The following SLC5A7 variants were observed in gnomAD, a reference collection of about 807,000 sequenced individuals.
SLC5A7 encodes high affinity choline transporter 1.
SLC5A7 carries 19 observed loss-of-function variants against 55.4 expected under a neutral mutation model. The ratio of observed to expected loss-of-function variants is 0.34; its 90% CI spans 0.24 to 0.50. The LOEUF (loss-of-function observed/expected upper bound fraction) is 0.50, where lower values mean the gene tolerates loss of function less well. Ranked by LOEUF, SLC5A7 falls within the 20% of genes least tolerant of loss-of-function variation. The pLI is 0.98. For missense variants in SLC5A7, 506 were observed against 705.3 expected, an observed-to-expected ratio of 0.72 and a Z score of 3.20; for synonymous variants, 265 against 263.7, an observed-to-expected ratio of 1.00 and a Z score of -0.05.
At chr2:107,993,229 T>A in intron 4 of SLC5A7, 102 bp downstream of exon 4, 1 of 1,249,634 alleles carries the variant, frequency 8.0e-7, no homozygotes, top group Non-Finnish European at 1.1e-6. Context: ...ACATTTTTAT[T>A]AAAACCATAT....
intron 6 of SLC5A7, among the ~76,000 whole-genome samples, chr2:108,002,932 C>A (rs543310636): frequency 2.6e-5 from 4 of 152,184 alleles, no homozygotes; most frequent in Admixed American, 2.0e-4. Flanking sequence ...TTTTTGTTTT[C>A]TCTGTAGAAG....
rs532174786 is a variant in SLC5A7, at chr2:108,010,596, G to T, written c.1478G>T (p.Cys493Phe). The T allele has an allele frequency of 9.3e-6, 15 of 1,613,912 alleles. No homozygotes were observed. The East Asian group carries it at 2.5e-4, about 26-fold the overall frequency. ...AMVTSFLTNI[C>F]ISYLAKYLFE... ...GTTACATCATTCTTAACCAACATTT[G>T]CATCTCCTATCTAGCCAAGTATCTA... Residue 493 changes from cysteine (C) to phenylalanine (F), a missense_variant, in exon 9 of 9, where the codon TGC becomes TTC. Transcript: ENST00000264047.
intron 7 of SLC5A7, among the ~76,000 whole-genome samples, chr2:108,006,689 G>C (rs1371344784): frequency 6.6e-6 from 1 of 152,068 alleles, no homozygotes; most frequent in East Asian, 1.9e-4. Context: ...TTAAAAATAC[G>C]GATATGTGGC....
At chr2:108,001,158 C>G (rs76605307) in intron 5 of SLC5A7, among the ~76,000 whole-genome samples, 4 of 151,878 alleles carry the variant, frequency 2.6e-5, no homozygotes, top group Non-Finnish European at 5.9e-5. Flanking sequence ...CTCCTCCCCC[C>G]ACCCACACAC....
rs1677290291 is a variant in SLC5A7, at chr2:107,987,422, G to A, written c.-52+659G>A. ...ATTAATGGGGGGTGATGAATTGAAT[G>A]AAGGATATTGGGCGAAGAAGATCAA... On this transcript the variant is annotated intron_variant, in intron 1 of 8. Transcript: ENST00000264047. 2.0e-5 allele frequency among the ~76,000 whole-genome samples: 3 copies of A among 152,136 alleles called. No homozygotes were observed. In the South Asian group the frequency reaches 6.2e-4, roughly 32 times the overall value.
chr2:108,003,553 C>T (rs892287114), intron 6 of SLC5A7, among the ~76,000 whole-genome samples: 1 of 152,160 alleles, frequency 6.6e-6, no homozygotes, highest in Non-Finnish European at 1.5e-5. Flanking sequence ...CTTGATCTTC[C>T]AGTGGTCTCT....
intron 1 of SLC5A7, among the ~76,000 whole-genome samples, chr2:107,986,999 T>C (rs1476313699): frequency 6.6e-6 from 1 of 151,794 alleles, no homozygotes; most frequent in African/African-American, 2.4e-5. Flanking sequence ...CGGGAGAGCA[T>C]CGGGCTGCTG....
intron 6 of SLC5A7, among the ~76,000 whole-genome samples, chr2:108,002,847 A>G (rs1390132917): frequency 6.6e-6 from 1 of 151,842 alleles, no homozygotes; most frequent in African/African-American, 2.4e-5. Flanking sequence ...GCAGGACCCC[A>G]TCTCTATAAA....
intron 6 of SLC5A7, among the ~76,000 whole-genome samples, chr2:108,004,197 C>T (rs1329242271): frequency 6.6e-6 from 1 of 152,174 alleles, no homozygotes; most frequent in African/African-American, 2.4e-5. Context: ...TTAAAAACTT[C>T]TGATGACCTA....
intron 6 of SLC5A7, 140 bp from the exon 7 acceptor site, chr2:108,005,903 GATACTA>G (rs1465357191): frequency 1.1e-6 from 1 of 883,704 alleles, no homozygotes; most frequent in Non-Finnish European, 1.7e-6. Flanking sequence ...CAAACATAAT[GATACTA>G]ATTGATATTT....
intron 4 of SLC5A7, 49 bp downstream of exon 4, chr2:107,993,176 A>T: frequency 1.2e-6 from 2 of 1,602,856 alleles, no homozygotes; most frequent in Non-Finnish European, 1.7e-6. Context: ...TTAACTAAAC[A>T]TCAGATACAC....
chr2:108,009,239 A>G (rs1406742538), intron 8 of SLC5A7, among the ~76,000 whole-genome samples: 1 of 152,176 alleles, frequency 6.6e-6, no homozygotes, highest in Non-Finnish European at 1.5e-5. Context: ...TTAACAAAAC[A>G]ATCCCAGTGT....
intron 5 of SLC5A7, among the ~76,000 whole-genome samples, chr2:107,998,765 A>C (rs1677773676): frequency 6.6e-6 from 1 of 152,212 alleles, no homozygotes; most frequent in Non-Finnish European, 1.5e-5. Flanking sequence ...CTTTAGGGGC[A>C]ATGCCCTCCT....
intron 8 of SLC5A7, among the ~76,000 whole-genome samples, chr2:108,009,473 C>G (rs1050341119): frequency 6.6e-6 from 1 of 151,976 alleles, no homozygotes; most frequent in Non-Finnish European, 1.5e-5. Context: ...CCCCCCACGC[C>G]CCCCAACAGG....
intron 4 of SLC5A7, among the ~76,000 whole-genome samples, chr2:107,995,007 G>A (rs1677611919): frequency 6.6e-6 from 1 of 152,208 alleles, no homozygotes; most frequent in African/African-American, 2.4e-5. Context: ...ATGTGTGTCT[G>A]TGTTTGTGCC....
intron 2 of SLC5A7, 62 bp from the exon 3 acceptor site, chr2:107,992,044 C>A: frequency 1.0e-6 from 1 of 996,214 alleles, no homozygotes; most frequent in Non-Finnish European, 1.5e-6. Context: ...ACTGGTTTGG[C>A]AGGCAGATGT....
intron 6 of SLC5A7, among the ~76,000 whole-genome samples, chr2:108,002,378 G>A (rs1677947532): frequency 6.6e-6 from 1 of 152,138 alleles, no homozygotes; most frequent in Non-Finnish European, 1.5e-5. Flanking sequence ...TTTGTGTTTT[G>A]AATTAAGGCA....
chr2:107,992,307 C>A, intron 3 of SLC5A7, 88 bp downstream of exon 3: 1 of 713,636 alleles, frequency 1.4e-6, no homozygotes, highest in South Asian at 2.0e-5. Context: ...AAGTCAAACA[C>A]TCTGAATAAC....
At chr2:108,007,143 A>G (rs771932738) in intron 7 of SLC5A7, among the ~76,000 whole-genome samples, 1 of 152,148 alleles carries the variant, frequency 6.6e-6, no homozygotes, top group African/African-American at 2.4e-5. Flanking sequence ...AAAATACATC[A>G]TGTTAATCCA....
Sources: allele counts gnomAD v4.1 joint callset (sites outside exome capture counted in the v4.1 genomes callset), GRCh38; gene constraint gnomAD v4.1.1; transcripts MANE v1.5; gene names NCBI Gene and HGNC (gene_info 2026-07-23, HGNC 2026-07-21).